Variants in UGCG observed in about 807,000 individuals in gnomAD.
UGCG encodes the protein ceramide glucosyltransferase.
A neutral mutation model predicts 49.5 loss-of-function variants in UGCG; 10 were observed. That is an observed-to-expected ratio of 0.20 (90% CI 0.12 to 0.34). The LOEUF (loss-of-function observed/expected upper bound fraction) is 0.34. Ranked by LOEUF, UGCG falls within the 10% of genes least tolerant of loss-of-function variation. The pLI, the probability that UGCG is intolerant of heterozygous loss-of-function variation, is 1.00. For synonymous variants in UGCG, 182 were observed against 158.2 expected, an observed-to-expected ratio of 1.15 and a Z score of -1.13; for missense variants, 312 against 483.7, an observed-to-expected ratio of 0.65 and a Z score of 3.33.
chr9:111,901,689 A>T (rs72756237), intron 1 of UGCG, among the ~76,000 whole-genome samples: 1 of 152,130 alleles, frequency 6.6e-6, no homozygotes, highest in East Asian at 1.9e-4. Flanking sequence ...TGAACTTAAA[A>T]GTTGAAGAAA....
At chr9:111,930,217 TTAA>T (rs1838399036) in intron 6 of UGCG, among the ~76,000 whole-genome samples, 1 of 152,194 alleles carries the variant, frequency 6.6e-6, no homozygotes, top group Non-Finnish European at 1.5e-5. Flanking sequence ...ATTTTTCAAA[TTAA>T]TGTGTTTTAA....
At chr9:111,901,556 A>C (rs1262626012) in intron 1 of UGCG, among the ~76,000 whole-genome samples, 1 of 152,166 alleles carries the variant, frequency 6.6e-6, no homozygotes, top group African/African-American at 2.4e-5. Flanking sequence ...GAGGGAGAGC[A>C]TCAAGAAGAA....
chr9:111,907,865 A>AT (rs1837917125), intron 1 of UGCG, among the ~76,000 whole-genome samples: 1 of 151,826 alleles, frequency 6.6e-6, no homozygotes, highest in Non-Finnish European at 1.5e-5. Flanking sequence ...CTGACCTCAA[A>AT]TTATCCTCCC....
Position 111,933,165 on chromosome 9 carries a change from AC to A in UGCG, c.*169del, listed in dbSNP as rs1838458289. ...CTTGCATCTGTGAAAAAAAAAAAAA[AC>A]ACATCTGTAGTCTTGGCCAAATGAT... On this transcript the variant is annotated 3_prime_UTR_variant, in exon 9 of 9. Transcript: ENST00000374279. 9 of 565,568 alleles carry A rather than the reference AC, an allele frequency of 1.6e-5. No individual in the cohort carries two copies. The highest frequency in any genetic ancestry group is 7.6e-5 in the East Asian group (2 of 26,458). The allele number at this position is 565,568 out of a possible 1,614,324, so 35.0% of individuals were successfully genotyped here.
rs141001980 is a variant in UGCG, at chr9:111,914,086, G to C, written c.99-519G>C. On this transcript the variant is annotated intron_variant, in intron 1 of 8. Coordinates refer to ENST00000374279, the MANE Select transcript of UGCG (RefSeq NM_003358.3). ...TATCCTTTCATAATTTTCTGCTGCAGACGGTGTTTTATTTTACCTGTTTTT... is the reference window on the plus strand; with the variant it reads ...TATCCTTTCATAATTTTCTGCTGCACACGGTGTTTTATTTTACCTGTTTTT... Among the ~76,000 whole-genome samples the C allele has an allele frequency of 3.8e-3, 583 of 152,252 alleles. 3 individuals are homozygous for C. The highest frequency in any genetic ancestry group is 0.013 in the African/African-American group (527 of 41,544).
rs1056947673 is a variant in UGCG at position 111,897,249 on chromosome 9, G to T, written c.34G>T (p.Ala12Ser). ...ALLDLALEGM[A>S]VFGFVLFLVL... ...GCTGGACCTGGCCTTGGAGGGAATG[G>T]CCGTCTTCGGGTTCGTCCTCTTCTT... The change falls in exon 1 of 9, where the codon GCC becomes TCC. Residue 12 changes from alanine to serine, a missense_variant. Coordinates refer to ENST00000374279, the MANE Select transcript of UGCG (RefSeq NM_003358.3). 1 of 1,555,596 alleles carries T rather than the reference G, an allele frequency of 6.4e-7. No homozygotes were observed. Among genetic ancestry groups the T allele is most frequent in the Non-Finnish European group, 8.7e-7 (1 of 1,150,386 alleles).
chr9:111,908,595 A>C (rs1837936521), intron 1 of UGCG, among the ~76,000 whole-genome samples: 1 of 152,174 alleles, frequency 6.6e-6, no homozygotes, highest in Non-Finnish European at 1.5e-5. Context: ...CCCCCACACC[A>C]CTTCCCCAAC....
At chr9:111,913,443 C>CT (rs1268200996) in intron 1 of UGCG, among the ~76,000 whole-genome samples, 1 of 151,616 alleles carries the variant, frequency 6.6e-6, no homozygotes, top group Non-Finnish European at 1.5e-5. Flanking sequence ...TTGCTTCTTT[C>CT]TTTTTTTTGA....
chr9:111,923,077 AG>A (rs1476363883), intron 3 of UGCG, 126 bp downstream of exon 3: 6 of 542,942 alleles, frequency 1.1e-5, no homozygotes, highest in African/African-American at 7.8e-5. Flanking sequence ...GAGTACTGAG[AG>A]GTGTTTACGT....
chr9:111,932,397 G>A (rs760223776), intron 8 of UGCG, 38 bp downstream of exon 8: 1 of 1,573,956 alleles, frequency 6.4e-7, no homozygotes. Flanking sequence ...CAGTCCCTTG[G>A]TGGAACTAGA....
intron 2 of UGCG, among the ~76,000 whole-genome samples, chr9:111,918,622 C>T (rs1345440024): frequency 6.6e-6 from 1 of 152,128 alleles, no homozygotes; most frequent in Non-Finnish European, 1.5e-5. Context: ...TATGTTTAAG[C>T]AGTGTAATCA....
chr9:111,914,088 C>T (rs545171404), intron 1 of UGCG, among the ~76,000 whole-genome samples: 10 of 152,224 alleles, frequency 6.6e-5, no homozygotes, highest in South Asian at 2.1e-4. Context: ...CTGCTGCAGA[C>T]GGTGTTTTAT....
At position 111,897,266 on chromosome 9, in the gene UGCG, C is replaced by G. The variant is rs1213403506; in HGVS notation, c.51C>G (p.Val17=). 6.4e-6 allele frequency: 10 copies of G among 1,560,334 alleles called. No individual in the cohort carries two copies. In the Admixed American group the frequency reaches 1.9e-4, roughly 30 times the overall value. ...AGGGAATGGCCGTCTTCGGGTTCGT[C>G]CTCTTCTTGGTGCTGTGGCTGATGC... ...ALEGMAVFGF[V]LFLVLWLMHF... The change falls in exon 1 of 9, where the codon GTC becomes GTG. Residue 17 remains valine (V), a synonymous_variant. Transcript: ENST00000374279.
intron 5 of UGCG, among the ~76,000 whole-genome samples, chr9:111,927,692 C>T (rs1838347133): frequency 1.3e-5 from 2 of 152,012 alleles, no homozygotes; most frequent in Non-Finnish European, 2.9e-5. Flanking sequence ...ACCTCGTGAT[C>T]CACCCTCCTC....
chr9:111,905,114 C>T (rs1262560185), intron 1 of UGCG, among the ~76,000 whole-genome samples: 1 of 152,170 alleles, frequency 6.6e-6, no homozygotes, highest in Non-Finnish European at 1.5e-5. Context: ...TTGGCCCTTT[C>T]ACTCACTGTC....
chr9:111,907,562 G>A (rs551232984), intron 1 of UGCG, among the ~76,000 whole-genome samples: 34 of 151,728 alleles, frequency 2.2e-4, no homozygotes, highest in Admixed American at 3.9e-4. Context: ...GAATTTCACC[G>A]TGTTGGGTGC....
At chr9:111,912,054 C>T (rs1385795406) in intron 1 of UGCG, among the ~76,000 whole-genome samples, 5 of 42,836 alleles carry the variant, frequency 1.2e-4, no homozygotes, top group South Asian at 7.0e-4. Flanking sequence ...ATATATATAT[C>T]CTGTTGAATC....
chr9:111,929,770 T>A (rs1041976796), intron 6 of UGCG, 92 bp downstream of exon 6: 56 of 1,445,148 alleles, frequency 3.9e-5, no homozygotes, highest in Non-Finnish European at 5.0e-5. Flanking sequence ...GGCTTTTTAA[T>A]TTAATTTTAT....
At position 111,919,751 on chromosome 9, in the gene UGCG, C is replaced by T. The variant is rs190396801; in HGVS notation, c.241-3098C>T. 3.5e-3 allele frequency among the ~76,000 whole-genome samples: 527 copies of T among 149,056 alleles called. 4 individuals are homozygous for T. The highest frequency in any genetic ancestry group is 0.012 in the African/African-American group (500 of 40,276). On this transcript the variant is annotated intron_variant, in intron 2 of 8. Coordinates refer to ENST00000374279, the MANE Select transcript of UGCG (RefSeq NM_003358.3). ...CCAAGCTTGCAGTGAGCTGAGATAGCGCCACTGCACTCCAGCCTGGGTGAC... is the reference window on the plus strand; with the variant it reads ...CCAAGCTTGCAGTGAGCTGAGATAGTGCCACTGCACTCCAGCCTGGGTGAC...
Sources: gnomAD v4.1 joint callset for allele counts (sites outside exome capture counted in the v4.1 genomes callset) on GRCh38, gnomAD v4.1.1 for gene constraint, MANE v1.5 for transcripts, NCBI Gene and HGNC (gene_info 2026-07-23, HGNC 2026-07-21) for gene names.